The following RIPOR2 variants were observed in gnomAD, a reference collection of about 807,000 sequenced individuals.
RIPOR2 encodes RHO family interacting cell polarization regulator 2.
In RIPOR2, 39 loss-of-function variants were observed where a neutral mutation model predicts 114.5. That is an observed-to-expected ratio of 0.34 (90% confidence interval 0.26 to 0.44). RIPOR2 has a LOEUF of 0.44. RIPOR2 is among the 20% of genes least tolerant of loss of function. The pLI is 1.00. For synonymous variants in RIPOR2, 445 were observed against 484.4 expected (o/e 0.92, Z 1.07); for missense variants, 1,007 against 1,255.1 (o/e 0.80, Z 2.99).
chr6:24,830,736 GA>G, intron 16 of RIPOR2, 66 bp from the exon 17 acceptor site: 6 of 1,464,738 alleles, frequency 4.1e-6, no homozygotes, highest in Non-Finnish European at 5.5e-6. Context: ...ATTTTTTTGA[GA>G]CAGAGTCTTG....
upstream of RIPOR2, among the ~76,000 whole-genome samples, chr6:24,936,397 T>C (rs1449831817): frequency 6.6e-6 from 1 of 152,230 alleles, no homozygotes; most frequent in African/African-American, 2.4e-5. Flanking sequence ...AGGACAGAGC[T>C]TTTATTTTGC....
intron 1 of RIPOR2, among the ~76,000 whole-genome samples, chr6:25,011,102 A>C (rs1447376861): frequency 2.6e-5 from 4 of 152,196 alleles, no homozygotes; most frequent in African/African-American, 9.7e-5. Flanking sequence ...CTATGAAAAA[A>C]AATTTGTTTT....
intron 1 of RIPOR2, among the ~76,000 whole-genome samples, chr6:24,900,484 C>T (rs1464324033): frequency 1.3e-5 from 2 of 152,124 alleles, no homozygotes; most frequent in Non-Finnish European, 2.9e-5. Context: ...CTTGGCCAGG[C>T]GTGGTGGCTC....
At chr6:24,845,840 C>T (rs113052628) in intron 12 of RIPOR2, among the ~76,000 whole-genome samples, 28 of 152,054 alleles carry the variant, frequency 1.8e-4, no homozygotes, top group African/African-American at 5.3e-4. Flanking sequence ...GGGCAGGCAC[C>T]GGAGGAAGTG....
At position 25,022,532 on chromosome 6, in the gene RIPOR2, A is replaced by ATTTTTTTTTTTTTTTTTTTTTTT. The variant is rs10564019; in HGVS notation, c.76+19296_76+19318dup. ...ACATATAACTAATGTGGTACCTTCCATTTTTTTTTTTTTTTTTTTTTTTTT... is the reference window on the plus strand; with the variant it reads ...ACATATAACTAATGTGGTACCTTCCATTTTTTTTTTTTTTTTTTTTTTTTTTTTTTTTTTTTTTTTTTTTTTTT... On this transcript the variant is annotated intron_variant, in intron 1 of 13. Coordinates refer to the RIPOR2 transcript ENST00000510784. Among the ~76,000 whole-genome samples the ATTTTTTTTTTTTTTTTTTTTTTT allele has an allele frequency of 2.0e-4, 8 of 40,992 alleles. 1 individual carries two copies. Among genetic ancestry groups the ATTTTTTTTTTTTTTTTTTTTTTT allele is most frequent in the Non-Finnish European group, 1.9e-4 (4 of 20,704 alleles). 26.9% of individuals were successfully genotyped at this position (40,992 alleles called of 152,430 possible).
chr6:25,017,159 G>C (rs968695439), intron 1 of RIPOR2, among the ~76,000 whole-genome samples: 5 of 152,178 alleles, frequency 3.3e-5, no homozygotes, highest in African/African-American at 1.2e-4. Context: ...GGCCAACATG[G>C]TGAAACCCCA....
chr6:24,915,516 C>T lies in RIPOR2; in HGVS notation c.61+20322G>A, dbSNP rs1326220140. Reference sequence around the variant, plus strand: ...ATTACGTGGGATTACAGGCACCCGCCACCACTCCCAACTAATTTTTGTATT... The same window carrying T: ...ATTACGTGGGATTACAGGCACCCGCTACCACTCCCAACTAATTTTTGTATT... On this transcript the variant is annotated intron_variant, in intron 1 of 21. Coordinates refer to ENST00000643898, the MANE Select transcript of RIPOR2 (RefSeq NM_001286445.3). 2.0e-5 allele frequency among the ~76,000 whole-genome samples: 3 copies of T among 152,206 alleles called. No individual in the cohort carries two copies. In the East Asian group the frequency reaches 5.8e-4, roughly 29 times the overall value.
At chr6:25,034,435 A>G (rs529100118) in intron 1 of RIPOR2, among the ~76,000 whole-genome samples, 1 of 152,254 alleles carries the variant, frequency 6.6e-6, no homozygotes, top group South Asian at 2.1e-4. Flanking sequence ...TAGTGGGTTG[A>G]ATCTAGGCTA....
At chr6:24,947,132 G>A (rs2114191409) in intron 1 of RIPOR2, among the ~76,000 whole-genome samples, 1 of 152,266 alleles carries the variant, frequency 6.6e-6, no homozygotes, top group South Asian at 2.1e-4. Context: ...AAGATTCCGT[G>A]GGAGGATATC....
At chr6:24,972,458 G>A (rs1322183997) in intron 1 of RIPOR2, among the ~76,000 whole-genome samples, 3 of 152,162 alleles carry the variant, frequency 2.0e-5, no homozygotes, top group East Asian at 1.9e-4. Context: ...GTGAAGGCCC[G>A]GACAGAAACC....
chr6:24,835,101 A>C (rs76823389), intron 15 of RIPOR2, among the ~76,000 whole-genome samples: 4,105 of 152,336 alleles, frequency 0.027, 166 homozygotes, highest in African/African-American at 0.086. Flanking sequence ...AAAAGAATTT[A>C]AGAACATTTT....
intron 1 of RIPOR2, among the ~76,000 whole-genome samples, chr6:24,884,132 G>A (rs548553418): frequency 1.3e-5 from 2 of 152,290 alleles, no homozygotes; most frequent in East Asian, 1.9e-4. Context: ...AAGCAGGCCC[G>A]GCACGGTGGC....
intron 1 of RIPOR2, chr6:25,024,565 C>T (rs1776512930): frequency 3.6e-6 from 2 of 548,320 alleles, no homozygotes; most frequent in African/African-American, 1.9e-5. Context: ...GCTCAGGCAG[C>T]AGTGGCAGGC....
rs574637150 is a variant in RIPOR2, at chr6:25,017,233, A to C, written c.76+24618T>G. 1.2e-4 allele frequency among the ~76,000 whole-genome samples: 18 copies of C among 152,324 alleles called. No individual in the cohort carries two copies. In the South Asian group the frequency reaches 3.5e-3, roughly 30 times the overall value. On this transcript the variant is annotated intron_variant, in intron 1 of 13. Coordinates refer to the RIPOR2 transcript ENST00000510784. ...GTTACTTGGGAGGCTGAGGCACGAA[A>C]ATCACTTGAACCCAGGAGGCAAAGG... is the stretch of plus-strand genomic sequence containing the variant.
intron 1 of RIPOR2, among the ~76,000 whole-genome samples, chr6:24,947,572 C>T (rs1162737583): frequency 6.6e-6 from 1 of 152,172 alleles, no homozygotes; most frequent in Non-Finnish European, 1.5e-5. Context: ...AATAAAGTCT[C>T]ATGTTTTCCT....
rs551829065 is a variant in RIPOR2 at position 24,908,584 on chromosome 6, C to T, written c.61+27254G>A. 1.4e-3 allele frequency among the ~76,000 whole-genome samples: 215 copies of T among 152,226 alleles called. 1 individual carries two copies. Among genetic ancestry groups the T allele is most frequent in the Non-Finnish European group, 2.8e-3 (188 of 68,012 alleles). On this transcript the variant is annotated intron_variant, in intron 1 of 21. Coordinates refer to ENST00000643898, the MANE Select transcript of RIPOR2 (RefSeq NM_001286445.3). ...TCACAGTTGGGCTGTGGGGTTTTAT[C>T]GTAGTAGGGATGTTTCCACTTTAGT... is the stretch of plus-strand genomic sequence containing the variant.
chr6:24,908,696 G>A (rs921052804), intron 1 of RIPOR2, among the ~76,000 whole-genome samples: 3 of 152,182 alleles, frequency 2.0e-5, no homozygotes, highest in Non-Finnish European at 4.4e-5. Flanking sequence ...GAATTTTTAT[G>A]AGAGTTTAGC....
chr6:24,892,343 T>C (rs952363550), intron 1 of RIPOR2, among the ~76,000 whole-genome samples: 16 of 152,124 alleles, frequency 1.1e-4, no homozygotes, highest in Non-Finnish European at 4.4e-5. Flanking sequence ...CAATCATAGC[T>C]CACTAAAGCC....
At chr6:24,967,435 G>A (rs1009981821) in intron 1 of RIPOR2, among the ~76,000 whole-genome samples, 3 of 152,200 alleles carry the variant, frequency 2.0e-5, no homozygotes, top group South Asian at 4.1e-4. Context: ...GCAGGGCCTT[G>A]GTACCATCTG....
Sources: allele counts gnomAD v4.1 joint callset (sites outside exome capture counted in the v4.1 genomes callset), GRCh38; gene constraint gnomAD v4.1.1; transcripts MANE v1.5; gene names NCBI Gene and HGNC (gene_info 2026-07-23, HGNC 2026-07-21).